ARHGAP26: variants seen among roughly 807,000 people sequenced by gnomAD.
The protein encoded by ARHGAP26 is Rho GTPase activating protein 26.
In ARHGAP26, 38 loss-of-function variants were observed where a neutral mutation model predicts 104.8. The ratio of observed to expected loss-of-function variants is 0.36; its 90% CI spans 0.28 to 0.48. ARHGAP26 has a LOEUF of 0.48. ARHGAP26 is among the 20% of genes least tolerant of loss of function. The probability of loss-of-function intolerance (pLI) is 0.99; values close to 1 mark genes in which losing one functional copy is unlikely to be tolerated. For synonymous variants in ARHGAP26, 341 were observed against 340.0 expected, an observed-to-expected ratio of 1.00 and a Z score of -0.03; for missense variants, 704 against 947.9, an observed-to-expected ratio of 0.74 and a Z score of 3.38.
At position 143,048,780 on chromosome 5, in the gene ARHGAP26, G is replaced by GGT. The variant is rs1452261427; in HGVS notation, c.1286-5657_1286-5656dup. Among the ~76,000 whole-genome samples, 8 of 151,820 alleles carry GGT rather than the reference G, an allele frequency of 5.3e-5. No individual in the cohort carries two copies. The East Asian group carries it at 1.4e-3, about 26-fold the overall frequency. ...AATACAAAAATTAGCCAGGCGTGGT[G>GGT]GTGCACATCTGTAGTCCCAGCTACT... is the stretch of plus-strand genomic sequence containing the variant. On this transcript the variant is annotated intron_variant, in intron 14 of 22. Coordinates refer to ENST00000645722, the MANE Select transcript of ARHGAP26 (RefSeq NM_001135608.3).
At chr5:143,221,425 A>C (rs1294821142) in intron 22 of ARHGAP26, among the ~76,000 whole-genome samples, 1 of 63,232 alleles carries the variant, frequency 1.6e-5, no homozygotes, top group African/African-American at 1.2e-4. Flanking sequence ...GACAGCAACC[A>C]AAAAAAAAAA....
chr5:143,152,354 T>G (rs139976684), intron 20 of ARHGAP26, among the ~76,000 whole-genome samples: 1 of 152,202 alleles, frequency 6.6e-6, no homozygotes, highest in Non-Finnish European at 1.5e-5. Flanking sequence ...AAAACTTTCA[T>G]GCAATTTTTC....
intron 1 of ARHGAP26, among the ~76,000 whole-genome samples, chr5:142,795,366 G>A (rs1212226319): frequency 6.6e-6 from 1 of 151,148 alleles, no homozygotes; most frequent in Non-Finnish European, 1.5e-5. Flanking sequence ...CCACCGCACA[G>A]CATGCTCTAG....
intron 11 of ARHGAP26, among the ~76,000 whole-genome samples, chr5:143,003,940 G>C (rs942313457): frequency 7.0e-6 from 1 of 143,786 alleles, no homozygotes; most frequent in Non-Finnish European, 1.5e-5. Context: ...AACAATTTGC[G>C]AATTGGGCAG....
chr5:142,870,839 G>A (rs1033170039), intron 1 of ARHGAP26, among the ~76,000 whole-genome samples: 9 of 152,122 alleles, frequency 5.9e-5, no homozygotes, highest in Admixed American at 2.0e-4. Context: ...AAGGGGTTGG[G>A]GTTGATCACC....
At chr5:142,964,307 C>T (rs1270210723) in intron 11 of ARHGAP26, among the ~76,000 whole-genome samples, 1 of 152,262 alleles carries the variant, frequency 6.6e-6, no homozygotes, top group East Asian at 1.9e-4. Flanking sequence ...GATCATATAC[C>T]TGTAACATTT....
intron 11 of ARHGAP26, among the ~76,000 whole-genome samples, chr5:142,932,490 C>T (rs1764869383): frequency 6.6e-6 from 1 of 152,160 alleles, no homozygotes; most frequent in Admixed American, 6.5e-5. Flanking sequence ...ATCCCTGCTG[C>T]CATTTCAGCG....
intron 17 of ARHGAP26, among the ~76,000 whole-genome samples, chr5:143,114,962 G>A (rs571708513): frequency 6.6e-6 from 1 of 152,276 alleles, no homozygotes; most frequent in Admixed American, 6.5e-5. Flanking sequence ...GGCAGAGTGA[G>A]TTTGGTGGCT....
chr5:142,829,081 G>T (rs1196276690), intron 1 of ARHGAP26, among the ~76,000 whole-genome samples: 1 of 152,228 alleles, frequency 6.6e-6, no homozygotes, highest in Non-Finnish European at 1.5e-5. Flanking sequence ...TTAGGCATGT[G>T]CTTCTGTTGA....
intron 19 of ARHGAP26, among the ~76,000 whole-genome samples, chr5:143,141,522 T>C (rs1331449274): frequency 6.6e-6 from 1 of 152,224 alleles, no homozygotes; most frequent in Admixed American, 6.5e-5. Flanking sequence ...ATATTTCTTA[T>C]ATATTCACTT....
chr5:143,097,001 T>C (rs749964368), intron 17 of ARHGAP26, among the ~76,000 whole-genome samples: 9 of 152,136 alleles, frequency 5.9e-5, no homozygotes, highest in Non-Finnish European at 1.3e-4. Context: ...TCCCAGCACT[T>C]TGGGAGGCCA....
intron 20 of ARHGAP26, among the ~76,000 whole-genome samples, chr5:143,163,052 C>CA (rs1241966873): frequency 6.6e-6 from 1 of 152,082 alleles, no homozygotes. Flanking sequence ...AAGGTCAAGG[C>CA]TGCCATGAGC....
At chr5:142,795,153 A>C (rs190913886) in intron 1 of ARHGAP26, among the ~76,000 whole-genome samples, 99 of 152,254 alleles carry the variant, frequency 6.5e-4, no homozygotes, top group African/African-American at 2.2e-3. Context: ...TACCCCCAGA[A>C]TGGGTTTTGG....
At chr5:142,899,411 G>C (rs1449056845) in intron 6 of ARHGAP26, among the ~76,000 whole-genome samples, 1 of 152,174 alleles carries the variant, frequency 6.6e-6, no homozygotes, top group Non-Finnish European at 1.5e-5. Context: ...TAGGAAGTAG[G>C]AATAGGTTTT....
At chr5:142,947,404 A>C (rs907282093) in intron 11 of ARHGAP26, among the ~76,000 whole-genome samples, 1 of 152,148 alleles carries the variant, frequency 6.6e-6, no homozygotes, top group Non-Finnish European at 1.5e-5. Context: ...CTTTGCTGAG[A>C]TGAATGTCAT....
chr5:142,879,289 G>A (rs1756587205), intron 3 of ARHGAP26, 85 bp from the exon 4 acceptor site: 3 of 1,217,736 alleles, frequency 2.5e-6, no homozygotes, highest in South Asian at 2.4e-5. Flanking sequence ...AAGACATGGG[G>A]AGGCATCTCA....
Position 142,992,497 on chromosome 5 carries a change from A to G in ARHGAP26, c.1108-21583A>G, listed in dbSNP as rs199968029. Among the ~76,000 whole-genome samples, 55 of 149,910 alleles carry G rather than the reference A, an allele frequency of 3.7e-4. 1 individual carries two copies. The East Asian group carries it at 0.011, about 29-fold the overall frequency. On this transcript the variant is annotated intron_variant, in intron 11 of 22. Coordinates refer to ENST00000645722, the MANE Select transcript of ARHGAP26 (RefSeq NM_001135608.3). ...CACCTAGGCTGGAGTGCAGTGGCGT[A>G]ATCTCTGCTCACTGCAACCTCCTGG... is the stretch of plus-strand genomic sequence containing the variant.
chr5:143,139,684 A>G (rs1371719530), intron 19 of ARHGAP26, among the ~76,000 whole-genome samples: 1 of 152,160 alleles, frequency 6.6e-6, no homozygotes, highest in Non-Finnish European at 1.5e-5. Flanking sequence ...CGGCCAAGCC[A>G]CTCACGCTCA....
intron 19 of ARHGAP26, 124 bp from the exon 20 acceptor site, chr5:143,147,107 C>T: frequency 8.3e-7 from 1 of 1,205,598 alleles, no homozygotes; most frequent in Non-Finnish European, 1.2e-6. Context: ...TATGTTGTTT[C>T]TTAAGCTTCC....
Sources: gnomAD v4.1 joint callset for allele counts (sites outside exome capture counted in the v4.1 genomes callset) on GRCh38, gnomAD v4.1.1 for gene constraint, MANE v1.5 for transcripts, NCBI Gene and HGNC (gene_info 2026-07-23, HGNC 2026-07-21) for gene names.